Variants in LHFPL6 observed in about 807,000 individuals in gnomAD.
LHFPL6 encodes LHFPL tetraspan subfamily member 6, also known as LHFPL tetraspan subfamily member 6 protein.
LHFPL6 carries 9 observed loss-of-function variants against 20.6 expected under a neutral mutation model. The ratio of observed to expected loss-of-function variants is 0.44; its 90% CI spans 0.26 to 0.76. The LOEUF is 0.76. Among genes scored for constraint, LHFPL6 ranks in the 30% least tolerant of loss-of-function variants. The pLI, the probability that LHFPL6 is intolerant of heterozygous loss-of-function variation, is 0.20. For synonymous variants in LHFPL6, 105 were observed against 98.7 expected (o/e 1.06, Z -0.38); for missense variants, 218 against 253.5 (o/e 0.86, Z 0.95).
intron 2 of LHFPL6, among the ~76,000 whole-genome samples, chr13:39,471,466 C>T (rs1265765482): frequency 6.6e-6 from 1 of 152,168 alleles, no homozygotes; most frequent in Non-Finnish European, 1.5e-5. Flanking sequence ...AGGGTAATCC[C>T]TTTGCTGTGG....
At chr13:39,391,251 A>G (rs1284327733) in intron 2 of LHFPL6, among the ~76,000 whole-genome samples, 4 of 152,184 alleles carry the variant, frequency 2.6e-5, no homozygotes, top group Non-Finnish European at 5.9e-5. Flanking sequence ...GGTCTTTACT[A>G]CTGATTTTGA....
chr13:39,411,678 C>T (rs1196745415), intron 2 of LHFPL6, among the ~76,000 whole-genome samples: 1 of 152,176 alleles, frequency 6.6e-6, no homozygotes, highest in African/African-American at 2.4e-5. Context: ...GGCCTGATTG[C>T]TATGACATAT....
intron 2 of LHFPL6, among the ~76,000 whole-genome samples, chr13:39,510,425 T>C (rs1369417276): frequency 6.6e-6 from 1 of 152,258 alleles, no homozygotes. Context: ...AGAGAGCTGT[T>C]TGTTTCTCCC....
chr13:39,502,389 C>T (rs976113485), intron 2 of LHFPL6, among the ~76,000 whole-genome samples: 1 of 151,684 alleles, frequency 6.6e-6, no homozygotes, highest in Non-Finnish European at 1.5e-5. Context: ...GAGGCCAATG[C>T]GGCAGGATCG....
intron 2 of LHFPL6, among the ~76,000 whole-genome samples, chr13:39,413,983 G>A (rs936520261): frequency 6.6e-6 from 1 of 152,160 alleles, no homozygotes; most frequent in Non-Finnish European, 1.5e-5. Flanking sequence ...CCATAGTGAT[G>A]AGTATAATTA....
At chr13:39,498,135 T>C (rs372687077) in intron 2 of LHFPL6, among the ~76,000 whole-genome samples, 2 of 152,342 alleles carry the variant, frequency 1.3e-5, no homozygotes, top group East Asian at 3.9e-4. Context: ...CTCTTTAATT[T>C]CCAAGTATTT....
chr13:39,419,764 G>A (rs1257538666), intron 2 of LHFPL6, among the ~76,000 whole-genome samples: 3 of 152,094 alleles, frequency 2.0e-5, no homozygotes, highest in Non-Finnish European at 2.9e-5. Context: ...ATATTCTCCT[G>A]CTTGCAAAGA....
At chr13:39,569,904 T>C (rs9532403) in intron 2 of LHFPL6, among the ~76,000 whole-genome samples, 73,747 of 151,998 alleles carry the variant, frequency 0.49, 18,536 homozygotes, top group South Asian at 0.57. Flanking sequence ...GAAACAACTT[T>C]TGGAGTCTTT....
chr13:39,389,540 T>C (rs1057397166), intron 2 of LHFPL6, among the ~76,000 whole-genome samples: 18 of 152,078 alleles, frequency 1.2e-4, no homozygotes, highest in African/African-American at 4.3e-4. Flanking sequence ...TGGTGAGTGG[T>C]GGCCTAGGCA....
rs1870664161 is a variant in LHFPL6 at position 39,390,039 on chromosome 13, T to C, written c.386-11513A>G. Among the ~76,000 whole-genome samples, 3 of 152,338 alleles carry C rather than the reference T, an allele frequency of 2.0e-5. No individual in the cohort carries two copies. In the South Asian group the frequency reaches 6.2e-4, roughly 32 times the overall value. On this transcript the variant is annotated intron_variant, in intron 2 of 3. Coordinates refer to ENST00000379589, the MANE Select transcript of LHFPL6 (RefSeq NM_005780.3). ...ACTCCCAACTACCTTCATTCATTTC[T>C]ACTTAACTTTTTTTTAAAAAGTTTG...
intron 3 of LHFPL6, among the ~76,000 whole-genome samples, chr13:39,361,075 A>G (rs1869857113): frequency 1.0e-5 from 1 of 96,986 alleles, no homozygotes; most frequent in South Asian, 3.5e-4. Context: ...CAGCTGCTCA[A>G]ATCTGTGAAA....
intron 2 of LHFPL6, among the ~76,000 whole-genome samples, chr13:39,469,142 C>T (rs2138435205): frequency 6.6e-6 from 1 of 152,314 alleles, no homozygotes; most frequent in South Asian, 2.1e-4. Flanking sequence ...GAAAGTACTT[C>T]AAGTCACTCT....
chr13:39,569,970 T>C (rs1871862259), intron 2 of LHFPL6, among the ~76,000 whole-genome samples: 1 of 152,156 alleles, frequency 6.6e-6, no homozygotes. Flanking sequence ...TGATTTAGAA[T>C]GGTGGAAGAA....
chr13:39,464,325 G>A (rs1165314918), intron 2 of LHFPL6, among the ~76,000 whole-genome samples: 1 of 152,140 alleles, frequency 6.6e-6, no homozygotes, highest in Non-Finnish European at 1.5e-5. Flanking sequence ...GGTGCTGATG[G>A]AAATAGATCC....
chr13:39,378,357 C>A, intron 3 of LHFPL6, 71 bp downstream of exon 3: 1 of 1,309,764 alleles, frequency 7.6e-7, no homozygotes, highest in African/African-American at 1.4e-5. Flanking sequence ...CCCCTTTCCA[C>A]TTTCTGCTTC....
At chr13:39,564,376 GCTCT>G (rs1302083133) in intron 2 of LHFPL6, among the ~76,000 whole-genome samples, 1 of 152,132 alleles carries the variant, frequency 6.6e-6, no homozygotes, top group Non-Finnish European at 1.5e-5. Flanking sequence ...ATATGTATGT[GCTCT>G]CTATCTCAAA....
At chr13:39,433,587 C>T (rs1006459130) in intron 2 of LHFPL6, among the ~76,000 whole-genome samples, 3 of 152,004 alleles carry the variant, frequency 2.0e-5, no homozygotes, top group South Asian at 4.2e-4. Context: ...GTACAGAAGA[C>T]CCCAGAGAAA....
intron 2 of LHFPL6, among the ~76,000 whole-genome samples, chr13:39,594,549 G>A (rs547047081): frequency 7.9e-5 from 12 of 152,342 alleles, no homozygotes; most frequent in South Asian, 4.1e-4. Context: ...CATTGTGGAC[G>A]TCGGTGTGGC....
chr13:39,541,666 C>T (rs1374829825), intron 2 of LHFPL6, among the ~76,000 whole-genome samples: 1 of 152,198 alleles, frequency 6.6e-6, no homozygotes, highest in Non-Finnish European at 1.5e-5. Context: ...TTAGCCCTTT[C>T]TTTTTCTATG....
Sources: gnomAD v4.1 joint callset for allele counts (sites outside exome capture counted in the v4.1 genomes callset) on GRCh38, gnomAD v4.1.1 for gene constraint, MANE v1.5 for transcripts, NCBI Gene and HGNC (gene_info 2026-07-23, HGNC 2026-07-21) for gene names.